Variants in DDC observed in about 807,000 individuals in gnomAD.
DDC encodes the protein dopa decarboxylase.
Under a neutral mutation model 60.0 loss-of-function variants are expected in DDC, and 43 were observed. The observed-to-expected ratio is 0.72, with a 90% CI of 0.56 to 0.92. The LOEUF is 0.92. DDC is among the 40% of genes least tolerant of loss of function. The probability of loss-of-function intolerance (pLI) is 0.00; values close to 1 mark genes in which losing one functional copy is unlikely to be tolerated. For synonymous variants in DDC, 232 were observed against 234.6 expected, an observed-to-expected ratio of 0.99 and a Z score of 0.10; for missense variants, 573 against 620.2, an observed-to-expected ratio of 0.92 and a Z score of 0.81.
At chr7:50,510,796 A>G (rs1272926772) in intron 6 of DDC, among the ~76,000 whole-genome samples, 3 of 151,806 alleles carry the variant, frequency 2.0e-5, no homozygotes, top group East Asian at 1.9e-4. Context: ...CCTGGCTAAC[A>G]CGGTAAAACC....
intron 13 of DDC, among the ~76,000 whole-genome samples, chr7:50,466,673 C>T (rs1585135198): frequency 2.0e-5 from 3 of 152,278 alleles, no homozygotes; most frequent in Admixed American, 2.0e-4. Flanking sequence ...TGTGGGCCAG[C>T]CTGCCCTCAC....
intron 14 of DDC, among the ~76,000 whole-genome samples, chr7:50,460,862 AAG>A (rs1395153855): frequency 6.6e-6 from 1 of 151,488 alleles, no homozygotes; most frequent in African/African-American, 2.4e-5. Context: ...CATGCTCGTT[AAG>A]AGTCATCACC....
chr7:50,465,528 C>T (rs1212814303), intron 13 of DDC, among the ~76,000 whole-genome samples: 2 of 152,134 alleles, frequency 1.3e-5, no homozygotes, highest in Non-Finnish European at 2.9e-5. Context: ...TGTGCCACCA[C>T]TCCTGACTAA....
chr7:50,517,929 G>A (rs2043781466), intron 6 of DDC, among the ~76,000 whole-genome samples: 1 of 151,780 alleles, frequency 6.6e-6, no homozygotes, highest in African/African-American at 2.4e-5. Context: ...CATAGATGGG[G>A]CCGGGCCTGG....
intron 11 of DDC, among the ~76,000 whole-genome samples, chr7:50,472,133 T>C (rs1007380264): frequency 2.6e-5 from 4 of 152,162 alleles, no homozygotes; most frequent in African/African-American, 9.7e-5. Context: ...GTGCCTGCAG[T>C]AGACAGCTGT....
At chr7:50,495,573 G>A (rs570444628) in intron 8 of DDC, among the ~76,000 whole-genome samples, 156 bp from the exon 9 acceptor site, 1 of 152,298 alleles carries the variant, frequency 6.6e-6, no homozygotes, top group East Asian at 1.9e-4. Flanking sequence ...AACTTGTAGT[G>A]GGTAGGGGAG....
At chr7:50,476,995 TG>T (rs1369101677) in intron 10 of DDC, among the ~76,000 whole-genome samples, 1 of 152,198 alleles carries the variant, frequency 6.6e-6, no homozygotes, top group African/African-American at 2.4e-5. Flanking sequence ...CATTCATTCA[TG>T]CATGGGAAGG....
intron 11 of DDC, 24 bp from the exon 12 acceptor site, chr7:50,470,195 C>T (rs1562983302): frequency 6.7e-7 from 1 of 1,502,890 alleles, no homozygotes; most frequent in Admixed American, 1.7e-5. Flanking sequence ...TGAAACAGAC[C>T]ATCAGTGAGG....
In DDC at chr7:50,528,261, C is replaced by T; in HGVS notation, c.590G>A (p.Arg197Lys). 1 of 1,614,146 alleles carries T rather than the reference C, an allele frequency of 6.2e-7. No individual in the cohort carries two copies. The change falls in exon 6 of 15, where the codon AGA becomes AAA. Residue 197 changes from arginine (R) to lysine (K), a missense_variant. By Grantham distance (26) the Arg-to-Lys change is conservative. Coordinates refer to ENST00000444124, the MANE Select transcript of DDC (RefSeq NM_001082971.2). ...SSDQAHSSVE[R>K]AGLIGGVKLK... ...TTTCACTCCACCAATTAACCCAGCT[C>T]TTTCCACTGAGGAGTGTGCCTGGAA...
chr7:50,494,034 A>G (rs1430567953), intron 9 of DDC, among the ~76,000 whole-genome samples: 3 of 152,204 alleles, frequency 2.0e-5, no homozygotes, highest in Admixed American at 2.0e-4. Flanking sequence ...TCCTGGCCCT[A>G]TGATCAATCA....
chr7:50,547,883 A>G (rs2044858750), intron 1 of DDC, among the ~76,000 whole-genome samples: 1 of 152,348 alleles, frequency 6.6e-6, no homozygotes, highest in African/African-American at 2.4e-5. Context: ...ATTTTTTACA[A>G]ATAGAAGGTT....
At chr7:50,537,290 C>A (rs986927407) in intron 4 of DDC, among the ~76,000 whole-genome samples, 1 of 152,176 alleles carries the variant, frequency 6.6e-6, no homozygotes, top group Non-Finnish European at 1.5e-5. Flanking sequence ...GCCTCTGAAG[C>A]CTGGTCACAT....
intron 11 of DDC, among the ~76,000 whole-genome samples, chr7:50,475,494 C>T (rs929235654): frequency 6.6e-6 from 1 of 152,048 alleles, no homozygotes; most frequent in Admixed American, 6.6e-5. Context: ...TTTACTGCTG[C>T]CCCCCTGCCT....
intron 14 of DDC, among the ~76,000 whole-genome samples, chr7:50,459,102 G>GC (rs995994576): frequency 6.6e-6 from 1 of 152,222 alleles, no homozygotes; most frequent in African/African-American, 2.4e-5. Context: ...GATTGCAGGC[G>GC]CGCACCACCA....
At chr7:50,525,741 G>A (rs1216716765) in intron 6 of DDC, among the ~76,000 whole-genome samples, 1 of 151,788 alleles carries the variant, frequency 6.6e-6, no homozygotes, top group African/African-American at 2.4e-5. Context: ...TCCAACCTGG[G>A]TGATAGAGTG....
intron 4 of DDC, among the ~76,000 whole-genome samples, chr7:50,537,414 G>A (rs1258802984): frequency 6.6e-6 from 1 of 152,226 alleles, no homozygotes; most frequent in Non-Finnish European, 1.5e-5. Flanking sequence ...TTCCTCTCCT[G>A]TAAAAAGGGC....
At chr7:50,547,273 C>T (rs187028015) in intron 1 of DDC, among the ~76,000 whole-genome samples, 22 of 151,124 alleles carry the variant, frequency 1.5e-4, no homozygotes, top group Non-Finnish European at 3.1e-4. Flanking sequence ...TGCAGTGGTG[C>T]GATCTTGGCT....
In DDC at chr7:50,489,456, C is replaced by A. The variant is rs150602603; in HGVS notation, c.944+5894G>T. ...AATTAAGGTTATTATATCCATATAA[C>A]TTTCTGTATTGCTTCTAAAGTCATT... On this transcript the variant is annotated intron_variant, in intron 9 of 14. Transcript: ENST00000444124. Among the ~76,000 whole-genome samples, 328 of 152,284 alleles carry A rather than the reference C, an allele frequency of 2.2e-3. 1 individual carries two copies. Among genetic ancestry groups the A allele is most frequent in the African/African-American group, 7.6e-3 (317 of 41,548 alleles).
intron 5 of DDC, 98 bp downstream of exon 5, chr7:50,529,110 T>A: frequency 1.3e-6 from 2 of 1,523,484 alleles, no homozygotes; most frequent in South Asian, 2.3e-5. Context: ...GAACTGTTCT[T>A]AGATTTGGAA....
Sources: gnomAD v4.1 joint callset for allele counts (sites outside exome capture counted in the v4.1 genomes callset) on GRCh38, gnomAD v4.1.1 for gene constraint, MANE v1.5 for transcripts, NCBI Gene and HGNC (gene_info 2026-07-23, HGNC 2026-07-21) for gene names.